The following TMTC1 variants were observed in gnomAD, a reference collection of about 807,000 sequenced individuals.
The protein encoded by TMTC1 is protein O-mannosyl-transferase TMTC1.
Under a neutral mutation model 104.8 loss-of-function variants are expected in TMTC1, and 73 were observed. The observed-to-expected ratio is 0.70, with a 90% CI of 0.58 to 0.85. TMTC1 has a LOEUF of 0.85. TMTC1 is among the 40% of genes least tolerant of loss of function. The pLI, the probability that TMTC1 is intolerant of heterozygous loss-of-function variation, is 0.00. For missense variants in TMTC1, 1,035 were observed against 1,096.1 expected (o/e 0.94, Z 0.79); for synonymous variants, 434 against 428.7 (o/e 1.01, Z -0.15).
chr12:29,754,177 TAAA>T lies in TMTC1; in HGVS notation c.731+1529_731+1531del, dbSNP rs56884730. Reference sequence around the variant, plus strand: ...ACCACGCCCAGCCTAAAAGTTTCTTTAAAAAAAAAAAAAAAAAAGACCCAGACT... The same window carrying T: ...ACCACGCCCAGCCTAAAAGTTTCTTTAAAAAAAAAAAAAAAGACCCAGACT... On this transcript the variant is annotated intron_variant, in intron 4 of 17. Transcript: ENST00000539277. Among the ~76,000 whole-genome samples, 575 of 140,598 alleles carry T rather than the reference TAAA, an allele frequency of 4.1e-3. 6 individuals carry two copies. Among genetic ancestry groups the T allele is most frequent in the African/African-American group, 0.013 (504 of 38,864 alleles). 92.2% of individuals were successfully genotyped at this position (140,598 alleles called of 152,430 possible).
chr12:29,724,249 T>C (rs988376595), intron 5 of TMTC1, among the ~76,000 whole-genome samples: 11 of 152,200 alleles, frequency 7.2e-5, no homozygotes, highest in African/African-American at 1.4e-4. Context: ...GTCTGATATA[T>C]CAGCGTTGGC....
intron 5 of TMTC1, among the ~76,000 whole-genome samples, chr12:29,659,499 C>A (rs1483286433): frequency 6.6e-6 from 1 of 152,196 alleles, no homozygotes; most frequent in African/African-American, 2.4e-5. Flanking sequence ...TCACCATCAT[C>A]TTCGGCCATG....
At chr12:29,728,254 A>C (rs116840924) in intron 5 of TMTC1, among the ~76,000 whole-genome samples, 3,609 of 152,116 alleles carry the variant, frequency 0.024, 64 homozygotes, top group Non-Finnish European at 0.035. Context: ...AGTTGGAAGG[A>C]AACAGCTGAC....
intron 6 of TMTC1, among the ~76,000 whole-genome samples, chr12:29,627,479 T>C (rs570621063): frequency 2.6e-5 from 4 of 152,306 alleles, no homozygotes; most frequent in East Asian, 1.9e-4. Flanking sequence ...GGTTGGGATG[T>C]AGAGAAATAG....
chr12:29,550,913 G>A (rs1304358529), intron 10 of TMTC1, among the ~76,000 whole-genome samples: 1 of 121,492 alleles, frequency 8.2e-6, no homozygotes, highest in Non-Finnish European at 1.7e-5. Flanking sequence ...CAGCCTGGGG[G>A]AGAGAGTGGG....
intron 1 of TMTC1, among the ~76,000 whole-genome samples, chr12:29,772,825 C>T (rs893781985): frequency 6.6e-6 from 1 of 152,086 alleles, no homozygotes; most frequent in African/African-American, 2.4e-5. Flanking sequence ...TTTTAAAAAA[C>T]TCATTAACTA....
rs530060941 is a variant in TMTC1, at chr12:29,647,667, C to T, written c.939-14331G>A. 2.0e-5 allele frequency among the ~76,000 whole-genome samples: 3 copies of T among 152,238 alleles called. 1 individual carries two copies. The highest frequency in any genetic ancestry group is 4.8e-5 in the African/African-American group (2 of 41,522). ...TGCTATTTCCTATCTTGATCTTTTC[C>T]TACAAAGTAATACAAGCCTTTGCCT... On this transcript the variant is annotated intron_variant, in intron 5 of 17. Coordinates refer to ENST00000539277, the MANE Select transcript of TMTC1 (RefSeq NM_001193451.2).
intron 9 of TMTC1, among the ~76,000 whole-genome samples, chr12:29,564,092 A>T (rs530011429): frequency 6.6e-6 from 1 of 152,336 alleles, no homozygotes; most frequent in South Asian, 2.1e-4. Context: ...AAAACCAAAC[A>T]GAACTTGAGA....
At chr12:29,630,462 G>A (rs930326884) in intron 6 of TMTC1, among the ~76,000 whole-genome samples, 22 of 152,126 alleles carry the variant, frequency 1.4e-4, no homozygotes, top group Non-Finnish European at 2.6e-4. Context: ...CTCTCATGGG[G>A]TCCCTCCTAT....
intron 5 of TMTC1, among the ~76,000 whole-genome samples, chr12:29,740,662 C>G (rs926947807): frequency 2.0e-5 from 3 of 152,148 alleles, no homozygotes; most frequent in Admixed American, 2.0e-4. Flanking sequence ...AGAACCCTGA[C>G]TAACACAGGG....
chr12:29,671,955 G>T lies in TMTC1; in HGVS notation c.939-38619C>A, dbSNP rs148611842. 1.2e-4 allele frequency among the ~76,000 whole-genome samples: 19 copies of T among 152,302 alleles called. No individual in the cohort carries two copies. The East Asian group carries it at 3.3e-3, about 26-fold the overall frequency. On this transcript the variant is annotated intron_variant, in intron 5 of 17. Coordinates refer to ENST00000539277, the MANE Select transcript of TMTC1 (RefSeq NM_001193451.2). ...GACTAGAGTGAGCACAGCCTGCTCC[G>T]AAGCAATGACAGCTCTCTGCACATA...
intron 5 of TMTC1, among the ~76,000 whole-genome samples, chr12:29,736,360 T>G (rs1942674408): frequency 6.6e-6 from 1 of 151,958 alleles, no homozygotes; most frequent in South Asian, 2.1e-4. Flanking sequence ...TAACTTAAAT[T>G]TATTCAGAAC....
At chr12:29,666,058 G>A (rs1040798723) in intron 5 of TMTC1, among the ~76,000 whole-genome samples, 3 of 151,946 alleles carry the variant, frequency 2.0e-5, no homozygotes, top group African/African-American at 7.3e-5. Flanking sequence ...AGTGGTCTCC[G>A]TATCAATTGC....
In TMTC1 at chr12:29,783,839, C is replaced by T; in HGVS notation, c.-88G>A. ...GGCCCCGGCGGCGCGCGGCGTCTGCCCGGAGGGGGGCTCGGGCATGGTGCT... is the reference window on the plus strand; with the variant it reads ...GGCCCCGGCGGCGCGCGGCGTCTGCTCGGAGGGGGGCTCGGGCATGGTGCT... On this transcript the variant is annotated 5_prime_UTR_variant, in exon 1 of 18. Coordinates refer to ENST00000539277, the MANE Select transcript of TMTC1 (RefSeq NM_001193451.2). This position sits in a 1 kb window ranked among gnomAD's most constrained non-coding sequence, Gnocchi z 4.7. 1.9e-6 allele frequency: 2 copies of T among 1,064,746 alleles called. No individual in the cohort carries two copies. Among genetic ancestry groups the T allele is most frequent in the Non-Finnish European group, 2.3e-6 (2 of 880,352 alleles). 66.0% of individuals were successfully genotyped at this position (1,064,746 alleles called of 1,614,324 possible). A position where few individuals can be genotyped will look rare whatever the true frequency, so the allele number is the denominator to read the frequency against.
intron 11 of TMTC1, chr12:29,535,965 C>A: frequency 2.1e-6 from 1 of 468,008 alleles, no homozygotes; most frequent in Non-Finnish European, 3.7e-6. Context: ...GATTCTGTAC[C>A]AAAGTGAGAG....
At chr12:29,545,629 T>TCTCA (rs1333007328) in intron 10 of TMTC1, among the ~76,000 whole-genome samples, 3 of 73,530 alleles carry the variant, frequency 4.1e-5, no homozygotes, top group East Asian at 3.4e-4. Context: ...CAAGACTCTG[T>TCTCA]CACACACACA....
At chr12:29,567,048 G>A (rs747152387) in intron 9 of TMTC1, among the ~76,000 whole-genome samples, 1 of 152,150 alleles carries the variant, frequency 6.6e-6, no homozygotes, top group Non-Finnish European at 1.5e-5. Context: ...GGTTGAAAGC[G>A]GGGTTTAAAA....
At chr12:29,737,137 C>G (rs188396091) in intron 5 of TMTC1, among the ~76,000 whole-genome samples, 67 of 152,358 alleles carry the variant, frequency 4.4e-4, no homozygotes, top group African/African-American at 1.5e-3. Flanking sequence ...AAGTGCTGAG[C>G]CGGGTGCTCT....
At chr12:29,686,592 C>A (rs1425968913) in intron 5 of TMTC1, among the ~76,000 whole-genome samples, 2 of 152,188 alleles carry the variant, frequency 1.3e-5, no homozygotes, top group South Asian at 2.1e-4. Context: ...TAGGAATCCA[C>A]TCCTGTCAGG....
Sources: allele counts gnomAD v4.1 joint callset (sites outside exome capture counted in the v4.1 genomes callset), GRCh38; gene constraint gnomAD v4.1.1; non-coding constraint Gnocchi (gnomAD v3.1); transcripts MANE v1.5; gene names NCBI Gene and HGNC (gene_info 2026-07-23, HGNC 2026-07-21).